Variants in ERC2 observed in about 807,000 individuals in gnomAD.
ERC2 encodes the protein ERC protein 2.
A neutral mutation model predicts 114.8 loss-of-function variants in ERC2; 42 were observed. The observed-to-expected ratio is 0.37, with a 90% CI of 0.29 to 0.47. The LOEUF (loss-of-function observed/expected upper bound fraction) is 0.47. Ranked by LOEUF, ERC2 falls within the 20% of genes least tolerant of loss-of-function variation. The pLI is 0.99. For missense variants in ERC2, 939 were observed against 1,150.7 expected (o/e 0.82, Z 2.66); for synonymous variants, 454 against 425.5 (o/e 1.07, Z -0.82).
At chr3:55,770,907 G>A (rs566854029) in intron 14 of ERC2, among the ~76,000 whole-genome samples, 1 of 150,598 alleles carries the variant, frequency 6.6e-6, no homozygotes, top group South Asian at 2.1e-4. Flanking sequence ...TTGGTTTTCT[G>A]TTCCTGTGTT....
intron 10 of ERC2, among the ~76,000 whole-genome samples, chr3:56,002,398 A>G (rs2072144286): frequency 6.6e-6 from 1 of 152,154 alleles, no homozygotes; most frequent in African/African-American, 2.4e-5. Context: ...TGAACAAAAA[A>G]GCTTTTCTTC....
chr3:55,721,322 T>C (rs939978320), intron 15 of ERC2, among the ~76,000 whole-genome samples: 12 of 152,266 alleles, frequency 7.9e-5, no homozygotes, highest in Admixed American at 2.0e-4. Flanking sequence ...TAGTATACCA[T>C]TTCTTGAAGA....
intron 2 of ERC2, among the ~76,000 whole-genome samples, chr3:56,325,892 C>T (rs889528448): frequency 2.6e-5 from 4 of 152,144 alleles, no homozygotes; most frequent in Non-Finnish European, 5.9e-5. Context: ...AAGCTTTTAA[C>T]CCCAATGCTA....
At chr3:55,645,289 G>A (rs9821003) in intron 17 of ERC2, among the ~76,000 whole-genome samples, 3,467 of 152,230 alleles carry the variant, frequency 0.023, 126 homozygotes, top group African/African-American at 0.078. Context: ...AGGGCACCAC[G>A]TGACCTCCTT....
intron 13 of ERC2, among the ~76,000 whole-genome samples, chr3:55,936,644 C>T (rs758769365): frequency 2.0e-5 from 3 of 152,120 alleles, no homozygotes; most frequent in Non-Finnish European, 2.9e-5. Flanking sequence ...GCTAAGGGAC[C>T]AGCTTGTTCC....
At chr3:55,512,935 A>G (rs1183109229) in intron 17 of ERC2, among the ~76,000 whole-genome samples, 1 of 152,252 alleles carries the variant, frequency 6.6e-6, no homozygotes, top group South Asian at 2.1e-4. Context: ...TTAGAAATGC[A>G]GATGATCCCT....
intron 14 of ERC2, among the ~76,000 whole-genome samples, chr3:55,862,230 G>T (rs1026053963): frequency 6.6e-6 from 1 of 151,980 alleles, no homozygotes; most frequent in Non-Finnish European, 1.5e-5. Context: ...TGGTCAGAGT[G>T]GCAAGCTCTA....
At position 55,746,551 on chromosome 3, in the gene ERC2, T is replaced by A. The variant is rs367567069; in HGVS notation, c.2565-11633A>T. ...GCCACTGCACCCAGCCTGGAGTGGA[T>A]CTTTGTAGAGAGAAAAACATAAAAG... is the stretch of plus-strand genomic sequence containing the variant. On this transcript the variant is annotated intron_variant, in intron 14 of 17. Coordinates refer to ENST00000288221, the MANE Select transcript of ERC2 (RefSeq NM_015576.3). 3.9e-5 allele frequency among the ~76,000 whole-genome samples: 6 copies of A among 152,290 alleles called. No homozygotes were observed. The East Asian group carries it at 1.2e-3, about 29-fold the overall frequency.
intron 6 of ERC2, among the ~76,000 whole-genome samples, chr3:56,106,306 G>A (rs1278191296): frequency 6.6e-6 from 1 of 152,180 alleles, no homozygotes; most frequent in Admixed American, 6.5e-5. Context: ...TGGCCCCATG[G>A]AAAAAGGAAA....
At chr3:56,365,486 A>T (rs2059115732) in intron 2 of ERC2, among the ~76,000 whole-genome samples, 1 of 152,248 alleles carries the variant, frequency 6.6e-6, no homozygotes, top group African/African-American at 2.4e-5. Context: ...CGTTTCTCAG[A>T]ATATATCCAG....
intron 1 of ERC2, among the ~76,000 whole-genome samples, chr3:56,444,161 C>T (rs570185879): frequency 6.0e-5 from 9 of 149,116 alleles, no homozygotes; most frequent in East Asian, 3.9e-4. Context: ...TTAGTAGAGA[C>T]GGGGTTTCAC....
chr3:56,161,858 G>A (rs930552358), intron 4 of ERC2, among the ~76,000 whole-genome samples: 1 of 152,074 alleles, frequency 6.6e-6, no homozygotes, highest in African/African-American at 2.4e-5. Context: ...TTCTTTTCCT[G>A]TTTAGTTGCC....
Position 56,434,907 on chromosome 3 carries a change from C to T in ERC2, c.101G>A (p.Ser34Asn). The T allele has an allele frequency of 6.2e-7, 1 of 1,613,882 alleles. No individual in the cohort carries two copies. Among genetic ancestry groups the T allele is most frequent in the Non-Finnish European group, 8.5e-7 (1 of 1,179,882 alleles). ...SPRLGHRRTS[S>N]GGGGGTGKTL... ...CTTGCCTGTTCCTCCACCTCCCCCA[C>T]TACTTGTTCTTCGGTGGCCCAAACG... The change falls in exon 2 of 18, where the codon AGT becomes AAT. Residue 34 changes from serine to asparagine, a missense_variant. Physicochemically the swap from Ser to Asn is conservative, Grantham distance 46. Around this residue, in one of 5 missense-constraint regions of ERC2, gnomAD observed 281 missense variants for 307.4 expected, o/e 0.91. Coordinates refer to ENST00000288221, the MANE Select transcript of ERC2 (RefSeq NM_015576.3).
chr3:56,005,139 C>T (rs75434123), intron 10 of ERC2, among the ~76,000 whole-genome samples: 347 of 152,094 alleles, frequency 2.3e-3, no homozygotes, highest in African/African-American at 7.8e-3. Flanking sequence ...TATAATTACC[C>T]TATTTAAACT....
Position 56,261,709 on chromosome 3 carries a change from CTTTTA to C in ERC2, c.1074+34305_1074+34309del, listed in dbSNP as rs758371155. 9.4e-4 allele frequency among the ~76,000 whole-genome samples: 143 copies of C among 151,968 alleles called. 1 individual carries two copies. In the East Asian group the frequency reaches 0.022, roughly 23 times the overall value. The stretch of plus-strand genomic sequence containing the variant: ...TGTTTATTCTTTACTTTTTTTTTAA[CTTTTA>C]TTTTAAGTTCAGGGGTACTTGTGCA... On this transcript the variant is annotated intron_variant, in intron 3 of 17. Transcript: ENST00000288221.
chr3:55,808,148 T>C (rs2059561290), intron 14 of ERC2, among the ~76,000 whole-genome samples: 1 of 152,074 alleles, frequency 6.6e-6, no homozygotes, highest in Admixed American at 6.6e-5. Flanking sequence ...TCTAAGTAAG[T>C]GGATGGTGAG....
intron 3 of ERC2, among the ~76,000 whole-genome samples, chr3:56,293,571 T>G (rs557583978): frequency 6.6e-6 from 1 of 152,320 alleles, no homozygotes; most frequent in Admixed American, 6.5e-5. Context: ...GGCCTTCAAG[T>G]CTTGTTTGCT....
chr3:55,777,630 T>C (rs931615918), intron 14 of ERC2, among the ~76,000 whole-genome samples: 3 of 152,238 alleles, frequency 2.0e-5, no homozygotes, highest in Non-Finnish European at 4.4e-5. Flanking sequence ...GAGTAATCTA[T>C]ACTTTGATTT....
At chr3:56,101,393 T>TTCCTGTAACAGATGAGGAATTTCA (rs1560173628) in intron 6 of ERC2, among the ~76,000 whole-genome samples, 1 of 151,962 alleles carries the variant, frequency 6.6e-6, no homozygotes, top group African/African-American at 2.4e-5. Context: ...GCTTCACCTG[T>TTCCTGTAACAGATGAGGAATTTCA]TCCTGTAACA....
Sources: gnomAD v4.1 joint callset for allele counts (sites outside exome capture counted in the v4.1 genomes callset) on GRCh38, gnomAD v4.1.1 for gene constraint, gnomAD v4.1.1 regional missense constraint, MANE v1.5 for transcripts, NCBI Gene and HGNC (gene_info 2026-07-23, HGNC 2026-07-21) for gene names.